The following CNNM2 variants were observed in gnomAD, a reference collection of about 807,000 sequenced individuals.
CNNM2 encodes cyclin and CBS domain divalent metal cation transport mediator 2.
CNNM2 carries 12 observed loss-of-function variants against 66.9 expected under a neutral mutation model. That is an observed-to-expected ratio of 0.18 (90% CI 0.11 to 0.29). The LOEUF is 0.29. CNNM2 is among the 10% of genes least tolerant of loss of function. The pLI is 1.00. For synonymous variants in CNNM2, 557 were observed against 501.8 expected (o/e 1.11, Z -1.47); for missense variants, 705 against 1,167.7 (o/e 0.60, Z 5.77).
chr10:103,068,625 A>G lies in CNNM2; in HGVS notation c.2074-4A>G, dbSNP rs945385857. 1 of 1,609,774 alleles carries G rather than the reference A, an allele frequency of 6.2e-7. No individual in the cohort carries two copies. Among genetic ancestry groups the G allele is most frequent in the Non-Finnish European group, 8.5e-7 (1 of 1,178,084 alleles). ...CTGAAAATACCTGCCTTTTCTCTCC[A>G]CAGGGGAAAGTGGAAGTTGAAGCTG... On this transcript the variant is annotated splice_region_variant and splice_polypyrimidine_tract_variant and intron_variant, in intron 4 of 7. Coordinates refer to ENST00000369878, the MANE Select transcript of CNNM2 (RefSeq NM_017649.5).
chr10:103,005,730 T>C lies in CNNM2; in HGVS notation c.1622-43977T>C, dbSNP rs892471697. 7.2e-5 allele frequency among the ~76,000 whole-genome samples: 11 copies of C among 152,314 alleles called. No individual in the cohort carries two copies. In the East Asian group the frequency reaches 2.1e-3, roughly 29 times the overall value. On this transcript the variant is annotated intron_variant, in intron 1 of 7. Coordinates refer to ENST00000369878, the MANE Select transcript of CNNM2 (RefSeq NM_017649.5). Reference sequence around the variant, plus strand: ...TTCACTTACCATTTTTCATTGTATATATTACTTTATTTTTTTGAGACAGGG... The same window carrying C: ...TTCACTTACCATTTTTCATTGTATACATTACTTTATTTTTTTGAGACAGGG...
intron 1 of CNNM2, among the ~76,000 whole-genome samples, chr10:103,023,414 G>A (rs913552297): frequency 5.3e-5 from 8 of 152,132 alleles, no homozygotes; most frequent in Non-Finnish European, 1.0e-4. Context: ...GTGGCATGGT[G>A]GTGAGTACCT....
At chr10:102,983,251 A>G (rs957814972) in intron 1 of CNNM2, among the ~76,000 whole-genome samples, 6 of 150,592 alleles carry the variant, frequency 4.0e-5, no homozygotes, top group East Asian at 1.9e-4. Flanking sequence ...AGTAAAATAT[A>G]TGCTATATAT....
chr10:103,038,430 A>C (rs1426843692), intron 1 of CNNM2, among the ~76,000 whole-genome samples: 1 of 152,152 alleles, frequency 6.6e-6, no homozygotes, highest in African/African-American at 2.4e-5. Context: ...TCCTGGTTTT[A>C]AACAAAGTCT....
chr10:103,000,265 A>G (rs554139665), intron 1 of CNNM2, among the ~76,000 whole-genome samples: 36 of 151,530 alleles, frequency 2.4e-4, no homozygotes, highest in Non-Finnish European at 1.5e-4. Context: ...AAATAAATAA[A>G]TAAATAAATA....
intron 1 of CNNM2, among the ~76,000 whole-genome samples, chr10:103,019,973 T>C (rs894286844): frequency 6.6e-6 from 1 of 152,242 alleles, no homozygotes; most frequent in African/African-American, 2.4e-5. Flanking sequence ...CATTAGGTTC[T>C]AATTGTTTTC....
chr10:103,023,103 C>T (rs2064623845), intron 1 of CNNM2, among the ~76,000 whole-genome samples: 3 of 152,162 alleles, frequency 2.0e-5, no homozygotes, highest in South Asian at 4.1e-4. Flanking sequence ...GGGCGCTTCG[C>T]TATGTTGCCC....
At chr10:102,952,928 G>C (rs969407142) in intron 1 of CNNM2, among the ~76,000 whole-genome samples, 26 of 152,214 alleles carry the variant, frequency 1.7e-4, no homozygotes, top group African/African-American at 6.3e-4. Flanking sequence ...GTATGTTGGT[G>C]ATGTCATTGT....
chr10:103,017,229 G>A (rs377609963), intron 1 of CNNM2, among the ~76,000 whole-genome samples: 14 of 152,276 alleles, frequency 9.2e-5, no homozygotes, highest in African/African-American at 3.1e-4. Context: ...AACTTCTGGA[G>A]GAGTGGCAAA....
At chr10:103,041,069 C>G (rs1048770851) in intron 1 of CNNM2, among the ~76,000 whole-genome samples, 3 of 152,134 alleles carry the variant, frequency 2.0e-5, no homozygotes, top group Admixed American at 1.3e-4. Context: ...AAAGGGAGCC[C>G]TACCGAAGGG....
intron 1 of CNNM2, among the ~76,000 whole-genome samples, chr10:102,939,019 TA>T (rs1223565430): frequency 6.6e-6 from 1 of 152,174 alleles, no homozygotes; most frequent in Admixed American, 6.6e-5. Flanking sequence ...TCACATTACC[TA>T]AATATCCAAA....
At chr10:102,973,520 T>TGTGTG (rs1423065192) in intron 1 of CNNM2, among the ~76,000 whole-genome samples, 3 of 116,308 alleles carry the variant, frequency 2.6e-5, no homozygotes, top group African/African-American at 8.6e-5. Context: ...GTGTGTGTGT[T>TGTGTG]TTTTTTTTTT....
intron 1 of CNNM2, among the ~76,000 whole-genome samples, chr10:102,959,790 C>T (rs1264115755): frequency 6.6e-6 from 1 of 152,180 alleles, no homozygotes; most frequent in East Asian, 1.9e-4. Context: ...TGGTGGCTCA[C>T]ACCTGTAATC....
At chr10:102,936,517 CTTTT>C (rs34398870) in intron 1 of CNNM2, among the ~76,000 whole-genome samples, 12 of 123,800 alleles carry the variant, frequency 9.7e-5, no homozygotes, top group Non-Finnish European at 1.4e-4. Flanking sequence ...AAACTCTTTG[CTTTT>C]TTTTTTTTTT....
chr10:102,918,587 G>T lies in CNNM2; in HGVS notation c.107G>T (p.Arg36Leu). ...GCGGCGCGCCGCAGCCTCAGCGCTC[G>T]CGGCCGGGGGATCCTGCAGGCGGCT... ...KMAARRSLSA[R>L]GRGILQAAAG... Residue 36 changes from arginine (R) to leucine (L), a missense_variant, in exon 1 of 8, where the codon CGC (arginine) becomes CTC (leucine). Physicochemically the swap from Arg to Leu is moderately radical, Grantham distance 102 (BLOSUM62 -2). Transcript: ENST00000369878. This position sits in a 1 kb window ranked among gnomAD's most constrained non-coding sequence, Gnocchi z 4.1. 6.4e-7 allele frequency: 1 copy of T among 1,568,924 alleles called. No homozygotes were observed.
intron 1 of CNNM2, among the ~76,000 whole-genome samples, chr10:102,945,858 T>C (rs945015953): frequency 1.3e-5 from 2 of 152,174 alleles, no homozygotes; most frequent in African/African-American, 4.8e-5. Flanking sequence ...GATGAGCTCC[T>C]TGAGGTCAGG....
intron 1 of CNNM2, among the ~76,000 whole-genome samples, chr10:103,028,355 A>G (rs1332140835): frequency 6.6e-6 from 1 of 152,214 alleles, no homozygotes; most frequent in Non-Finnish European, 1.5e-5. Flanking sequence ...GTATTTGAGT[A>G]TCAGAGTCTC....
At chr10:102,989,608 G>C (rs1437633170) in intron 1 of CNNM2, among the ~76,000 whole-genome samples, 1 of 151,908 alleles carries the variant, frequency 6.6e-6, no homozygotes, top group Non-Finnish European at 1.5e-5. Flanking sequence ...TTCGAGACCA[G>C]CCTGGCCAAC....
At position 103,029,338 on chromosome 10, in the gene CNNM2, A is replaced by G. The variant is rs543818699; in HGVS notation, c.1622-20369A>G. Among the ~76,000 whole-genome samples the G allele has an allele frequency of 6.3e-4, 95 of 149,822 alleles. 1 individual carries two copies. Among genetic ancestry groups the G allele is most frequent in the African/African-American group, 2.2e-3 (90 of 40,844 alleles). On this transcript the variant is annotated intron_variant, in intron 1 of 7. Transcript: ENST00000369878. ...AAAAAAATAGGCGGGCGTGGTGGCCAGCACCTGTAATCCCAGCTCCTCAGG... is the reference window on the plus strand; with the variant it reads ...AAAAAAATAGGCGGGCGTGGTGGCCGGCACCTGTAATCCCAGCTCCTCAGG...
Sources: allele counts gnomAD v4.1 joint callset (sites outside exome capture counted in the v4.1 genomes callset), GRCh38; gene constraint gnomAD v4.1.1; non-coding constraint Gnocchi (gnomAD v3.1); transcripts MANE v1.5; gene names NCBI Gene and HGNC (gene_info 2026-07-23, HGNC 2026-07-21).